KCNT2: variants seen among roughly 807,000 people sequenced by gnomAD.
KCNT2 encodes potassium sodium-activated channel subfamily T member 2.
Under a neutral mutation model 153.8 loss-of-function variants are expected in KCNT2, and 67 were observed. That is an observed-to-expected ratio of 0.44 (90% CI 0.36 to 0.53). KCNT2 has a LOEUF of 0.53. Among genes scored for constraint, KCNT2 ranks in the 20% least tolerant of loss-of-function variants. The pLI, the probability that KCNT2 is intolerant of heterozygous loss-of-function variation, is 0.00. For synonymous variants in KCNT2, 500 were observed against 458.8 expected, an observed-to-expected ratio of 1.09 and a Z score of -1.15; for missense variants, 975 against 1,354.8, an observed-to-expected ratio of 0.72 and a Z score of 4.40.
chr1:196,527,296 A>G (rs1654365701), intron 1 of KCNT2, among the ~76,000 whole-genome samples: 1 of 152,186 alleles, frequency 6.6e-6, no homozygotes, highest in African/African-American at 2.4e-5. Flanking sequence ...AGAACTTATG[A>G]GAGCTATTAA....
At chr1:196,336,700 A>T in intron 16 of KCNT2, among the ~76,000 whole-genome samples, 1 of 152,194 alleles carries the variant, frequency 6.6e-6, no homozygotes, top group Admixed American at 6.6e-5. Flanking sequence ...ATGAGGGTGA[A>T]CAATGATCAT....
intron 8 of KCNT2, among the ~76,000 whole-genome samples, chr1:196,464,071 T>G (rs1314680569): frequency 1.3e-5 from 2 of 151,888 alleles, no homozygotes; most frequent in Admixed American, 6.6e-5. Flanking sequence ...ACATACATAA[T>G]TTTTTTAAAA....
chr1:196,339,836 G>A lies in KCNT2; in HGVS notation c.1783+505C>T, dbSNP rs977332512. On this transcript the variant is annotated intron_variant, in intron 16 of 27. Transcript: ENST00000294725. ...TCTTCTTCTGTGTCATAGAAGCCAA[G>A]TTCAGTGGTGAGAGTGAGGTAAGAG... Among the ~76,000 whole-genome samples the A allele has an allele frequency of 2.6e-5, 4 of 152,146 alleles. No homozygotes were observed. The East Asian group carries it at 7.7e-4, about 29-fold the overall frequency.
At position 196,419,039 on chromosome 1, in the gene KCNT2, T is replaced by C. The variant is rs560992552; in HGVS notation, c.1185+4011A>G. Among the ~76,000 whole-genome samples, 99 of 152,222 alleles carry C rather than the reference T, an allele frequency of 6.5e-4. 1 individual carries two copies. Among genetic ancestry groups the C allele is most frequent in the Admixed American group, 6.0e-3 (92 of 15,272 alleles). ...TCTGTGCTGGATCCCCTGAGGCTAC[T>C]TCTCCTTCACTCACTCCTTGTTTTT... On this transcript the variant is annotated intron_variant, in intron 12 of 27. Coordinates refer to ENST00000294725, the MANE Select transcript of KCNT2 (RefSeq NM_198503.5).
chr1:196,323,563 T>C (rs1002919584), intron 19 of KCNT2, among the ~76,000 whole-genome samples: 1 of 151,960 alleles, frequency 6.6e-6, no homozygotes, highest in African/African-American at 2.4e-5. Flanking sequence ...GACTGAGTTT[T>C]ATTTAATTAC....
chr1:196,482,343 C>T lies in KCNT2; in HGVS notation c.312G>A (p.Leu104=), dbSNP rs776372346. The T allele has an allele frequency of 1.3e-5, 21 of 1,576,638 alleles. No individual in the cohort carries two copies. Among genetic ancestry groups the T allele is most frequent in the Non-Finnish European group, 1.6e-5 (19 of 1,161,130 alleles). Residue 104 remains leucine, a synonymous_variant, in exon 4 of 28, where the codon TTG becomes TTA. Transcript: ENST00000294725. Reference sequence around the variant, plus strand: ...AATTGTACATAACCTGTAAGCCCCACAAAGGTAGACTTCTGTTCACCCAAA... The same window carrying T: ...AATTGTACATAACCTGTAAGCCCCATAAAGGTAGACTTCTGTTCACCCAAA... ...HIFWVNRSLP[L]WGLQVSVALI...
intron 20 of KCNT2, among the ~76,000 whole-genome samples, chr1:196,318,190 C>G (rs1460804776): frequency 2.6e-5 from 4 of 151,596 alleles, no homozygotes; most frequent in Admixed American, 2.0e-4. Context: ...CTTTCTATCC[C>G]TCTCTAAGAC....
intron 22 of KCNT2, among the ~76,000 whole-genome samples, chr1:196,297,830 C>T (rs1571951028): frequency 6.6e-6 from 1 of 152,154 alleles, no homozygotes; most frequent in East Asian, 1.9e-4. Context: ...ATTAGTAGGA[C>T]AATGTGCTTT....
chr1:196,338,172 T>C lies in KCNT2; in HGVS notation c.1783+2169A>G, dbSNP rs144191142. Among the ~76,000 whole-genome samples the C allele has an allele frequency of 5.4e-3, 818 of 152,160 alleles. 17 individuals are homozygous for C. The highest frequency in any genetic ancestry group is 0.015 in the Admixed American group (222 of 15,246). On this transcript the variant is annotated intron_variant, in intron 16 of 27. Coordinates refer to ENST00000294725, the MANE Select transcript of KCNT2 (RefSeq NM_198503.5). ...GGAGGGAGTGATATTTTGACTAAGATATAAAGAATTAGAAGTCATTACTTA... is the reference window on the plus strand; with the variant it reads ...GGAGGGAGTGATATTTTGACTAAGACATAAAGAATTAGAAGTCATTACTTA...
intron 18 of KCNT2, among the ~76,000 whole-genome samples, chr1:196,329,318 G>A (rs1442297182): frequency 3.9e-5 from 6 of 151,924 alleles, no homozygotes; most frequent in Non-Finnish European, 8.8e-5. Flanking sequence ...AATAATTCCA[G>A]GTATCACTAG....
chr1:196,596,598 C>A (rs966585352), intron 1 of KCNT2, among the ~76,000 whole-genome samples: 1 of 152,022 alleles, frequency 6.6e-6, no homozygotes, highest in African/African-American at 2.4e-5. Flanking sequence ...AAAATAATTT[C>A]CCTCCATGAT....
At position 196,226,870 on chromosome 1, in the gene KCNT2, C is replaced by T. The variant is rs1451021200; in HGVS notation, c.*1354G>A. 6.6e-6 allele frequency: 1 copy of T among 151,898 alleles called. No homozygotes were observed. The highest frequency in any genetic ancestry group is 1.5e-5 in the Non-Finnish European group (1 of 67,852). The allele number at this position is 151,898 out of a possible 1,614,324, so 9.4% of individuals were successfully genotyped here. On this transcript the variant is annotated 3_prime_UTR_variant, in exon 28 of 28. Coordinates refer to ENST00000294725, the MANE Select transcript of KCNT2 (RefSeq NM_198503.5). ...AAAATTAAAAAATACAAAATTAGAACAGTATGTATTTAAATTTACCAATGT... is the reference window on the plus strand; with the variant it reads ...AAAATTAAAAAATACAAAATTAGAATAGTATGTATTTAAATTTACCAATGT...
intron 16 of KCNT2, among the ~76,000 whole-genome samples, chr1:196,339,927 G>C (rs1665447869): frequency 1.3e-5 from 2 of 151,750 alleles, no homozygotes; most frequent in African/African-American, 4.8e-5. Context: ...TAATTACAAA[G>C]AGAACTTACA....
At chr1:196,475,867 A>T (rs1678489490) in intron 5 of KCNT2, among the ~76,000 whole-genome samples, 1 of 152,130 alleles carries the variant, frequency 6.6e-6, no homozygotes, top group African/African-American at 2.4e-5. Context: ...TCTGTAACAC[A>T]CTGGACTTAA....
At chr1:196,371,740 A>G (rs2148327209) in intron 14 of KCNT2, among the ~76,000 whole-genome samples, 1 of 152,190 alleles carries the variant, frequency 6.6e-6, no homozygotes, top group South Asian at 2.1e-4. Flanking sequence ...TGTGAAGTAT[A>G]ATTCTTTTTC....
chr1:196,497,761 T>C (rs1680370875), intron 1 of KCNT2, among the ~76,000 whole-genome samples: 1 of 152,190 alleles, frequency 6.6e-6, no homozygotes, highest in Non-Finnish European at 1.5e-5. Flanking sequence ...ACTGATTTGG[T>C]GAATTACTTC....
At chr1:196,593,904 C>T (rs1390422207) in intron 1 of KCNT2, among the ~76,000 whole-genome samples, 1 of 151,984 alleles carries the variant, frequency 6.6e-6, no homozygotes, top group African/African-American at 2.4e-5. Context: ...TTCATACTAA[C>T]ACTGCAAAAC....
At chr1:196,306,456 G>A (rs1317677604) in intron 21 of KCNT2, among the ~76,000 whole-genome samples, 1 of 152,014 alleles carries the variant, frequency 6.6e-6, no homozygotes, top group Non-Finnish European at 1.5e-5. Context: ...TTTTAAGATG[G>A]GAGCCCTGTC....
chr1:196,492,345 C>A lies in KCNT2; in HGVS notation c.96-4G>T. The stretch of plus-strand genomic sequence containing the variant: ...CATATAGAATTCAACTTGTACCCTG[C>A]AAACAGAAAATAAAAACATGTAAAT... On this transcript the variant is annotated splice_polypyrimidine_tract_variant and splice_region_variant and intron_variant, in intron 1 of 27. Coordinates refer to ENST00000294725, the MANE Select transcript of KCNT2 (RefSeq NM_198503.5). 4.4e-6 allele frequency: 6 copies of A among 1,367,780 alleles called. No individual in the cohort carries two copies. Among genetic ancestry groups the A allele is most frequent in the East Asian group, 2.8e-5 (1 of 36,224 alleles). The allele number at this position is 1,367,780 out of a possible 1,614,324, so 84.7% of individuals were successfully genotyped here.
Sources: allele counts gnomAD v4.1 joint callset (sites outside exome capture counted in the v4.1 genomes callset), GRCh38; gene constraint gnomAD v4.1.1; transcripts MANE v1.5; gene names NCBI Gene and HGNC (gene_info 2026-07-23, HGNC 2026-07-21).